The following FBXO8 variants were observed in gnomAD, a reference collection of about 807,000 sequenced individuals.
The protein encoded by FBXO8 is F-box only protein 8.
A neutral mutation model predicts 33.4 loss-of-function variants in FBXO8; 15 were observed. The observed-to-expected ratio is 0.45, with a 90% CI of 0.30 to 0.69. The LOEUF (loss-of-function observed/expected upper bound fraction) is 0.69. FBXO8 is among the 30% of genes least tolerant of loss of function. FBXO8 has a pLI of 0.08. For missense variants in FBXO8, 274 were observed against 380.3 expected (o/e 0.72, Z 2.32); for synonymous variants, 132 against 131.5 (o/e 1.00, Z -0.02).
At chr4:174,269,339 A>G (rs1375064420) in intron 1 of FBXO8, among the ~76,000 whole-genome samples, 6 of 151,890 alleles carry the variant, frequency 4.0e-5, no homozygotes, top group Non-Finnish European at 8.8e-5. Context: ...AAAATGGGGG[A>G]AAAAACCCCA....
Position 174,267,996 on chromosome 4 carries a change from AATAG to A in FBXO8, c.-8-4900_-8-4897del. On this transcript the variant is annotated intron_variant, in intron 1 of 5. Coordinates refer to ENST00000393674, the MANE Select transcript of FBXO8 (RefSeq NM_012180.3). The surrounding 1 kb of genome is among the most constrained non-coding windows in gnomAD (Gnocchi z 4.7). ...TTGTTCACTCAAAATAGGTGGAGAA[AATAG>A]ATATTTATTTCTTTGAAAAAATATT... Among the ~76,000 whole-genome samples, 1 of 152,364 alleles carries A rather than the reference AATAG, an allele frequency of 6.6e-6. No individual in the cohort carries two copies.
At position 174,237,221 on chromosome 4, in the gene FBXO8, T is replaced by A. The variant is rs1215308624; in HGVS notation, c.*191A>T. ...ACGTGATAAACAAAATTAGGAAAAA[T>A]TCTGCAAAATTATTTAGTTCCCCAA... On this transcript the variant is annotated 3_prime_UTR_variant, in exon 6 of 6. Coordinates refer to ENST00000393674, the MANE Select transcript of FBXO8 (RefSeq NM_012180.3). This position sits in a 1 kb window ranked among gnomAD's most constrained non-coding sequence, Gnocchi z 4.4. 6 of 493,168 alleles carry A rather than the reference T, an allele frequency of 1.2e-5. No homozygotes were observed. Among genetic ancestry groups the A allele is most frequent in the Non-Finnish European group, 1.8e-5 (5 of 281,680 alleles). 30.5% of individuals were successfully genotyped at this position (493,168 alleles called of 1,614,324 possible). A position where few individuals can be genotyped will look rare whatever the true frequency, so the allele number is the denominator to read the frequency against.
chr4:174,276,681 A>C (rs1192078364), intron 1 of FBXO8, among the ~76,000 whole-genome samples: 2 of 152,162 alleles, frequency 1.3e-5, no homozygotes, highest in Admixed American at 1.3e-4. Flanking sequence ...GTCCACTTTC[A>C]GTTTTATTAT....
Position 174,249,686 on chromosome 4 carries a change from G to A in FBXO8, c.457-8468C>T, listed in dbSNP as rs1227305481. On this transcript the variant is annotated intron_variant, in intron 3 of 5. Coordinates refer to ENST00000393674, the MANE Select transcript of FBXO8 (RefSeq NM_012180.3). ...ACATGTATATACTTAATCATGTAAC[G>A]TAAGTATCTGTTCATCCTGCCAACA... 3.9e-5 allele frequency among the ~76,000 whole-genome samples: 6 copies of A among 151,920 alleles called. No individual in the cohort carries two copies. The East Asian group carries it at 5.8e-4, about 15-fold the overall frequency.
rs1297120801 is a variant in FBXO8, at chr4:174,283,215, G to A, written c.-9+195C>T. On this transcript the variant is annotated intron_variant, in intron 1 of 5. Coordinates refer to ENST00000393674, the MANE Select transcript of FBXO8 (RefSeq NM_012180.3). This position sits in a 1 kb window ranked among gnomAD's most constrained non-coding sequence, Gnocchi z 6.7. ...AGGAACACACCCAGTTCCGCCTCCT[G>A]ACAGTGATTCCTCACTTTAATGAGC... Among the ~76,000 whole-genome samples, 1 of 152,186 alleles carries A rather than the reference G, an allele frequency of 6.6e-6. No homozygotes were observed. The highest frequency in any genetic ancestry group is 1.5e-5 in the Non-Finnish European group (1 of 68,030).
chr4:174,277,773 T>G lies in FBXO8; in HGVS notation c.-9+5637A>C, dbSNP rs1736990843. On this transcript the variant is annotated intron_variant, in intron 1 of 5. Coordinates refer to ENST00000393674, the MANE Select transcript of FBXO8 (RefSeq NM_012180.3). The surrounding 1 kb of genome is among the most constrained non-coding windows in gnomAD (Gnocchi z 4.9). ...GTAAATGTCCTGTCTCAGATAAAGG[T>G]TTAAAATGTGTGCTACAATAGTTAT... Among the ~76,000 whole-genome samples, 2 of 152,142 alleles carry G rather than the reference T, an allele frequency of 1.3e-5. No homozygotes were observed. Among genetic ancestry groups the G allele is most frequent in the South Asian group, 4.1e-4 (2 of 4,830 alleles).
rs77642433 is a variant in FBXO8 at position 174,277,434 on chromosome 4, G to A, written c.-9+5976C>T. ...AGGTAACTACTGCTTATAATTTCAT[G>A]GCACTAAGCACTCAAATGGCACATG... On this transcript the variant is annotated intron_variant, in intron 1 of 5. Transcript: ENST00000393674. This position sits in a 1 kb window ranked among gnomAD's most constrained non-coding sequence, Gnocchi z 4.9. 3.5e-3 allele frequency among the ~76,000 whole-genome samples: 538 copies of A among 152,188 alleles called. 3 individuals are homozygous for A. Among genetic ancestry groups the A allele is most frequent in the Middle Eastern group, 0.017 (5 of 294 alleles).
intron 3 of FBXO8, among the ~76,000 whole-genome samples, chr4:174,258,774 T>TA (rs1736473758): frequency 6.6e-6 from 1 of 152,074 alleles, no homozygotes; most frequent in African/African-American, 2.4e-5. Context: ...GGTATTTTTG[T>TA]TTAAGACTCA....
chr4:174,249,924 G>A (rs938325406), intron 3 of FBXO8, among the ~76,000 whole-genome samples: 3 of 151,928 alleles, frequency 2.0e-5, no homozygotes, highest in African/African-American at 7.2e-5. Flanking sequence ...ACTTCATGAA[G>A]GACCATTCGT....
At chr4:174,249,028 T>C (rs1736227866) in intron 3 of FBXO8, among the ~76,000 whole-genome samples, 1 of 152,008 alleles carries the variant, frequency 6.6e-6, no homozygotes, top group African/African-American at 2.4e-5. Flanking sequence ...CAAAATAACA[T>C]GAACCTAATT....
At chr4:174,244,641 G>T (rs1430480475) in intron 3 of FBXO8, among the ~76,000 whole-genome samples, 1 of 151,638 alleles carries the variant, frequency 6.6e-6, no homozygotes, top group Non-Finnish European at 1.5e-5. Context: ...TCATGATGGT[G>T]TTAGTACTAT....
intron 3 of FBXO8, among the ~76,000 whole-genome samples, chr4:174,242,227 T>A (rs1736056665): frequency 6.6e-6 from 1 of 151,578 alleles, no homozygotes; most frequent in Non-Finnish European, 1.5e-5. Flanking sequence ...TAAATTCCTT[T>A]GGCATTTCTT....
At chr4:174,246,182 T>C (rs961310006) in intron 3 of FBXO8, among the ~76,000 whole-genome samples, 1 of 151,942 alleles carries the variant, frequency 6.6e-6, no homozygotes, top group Non-Finnish European at 1.5e-5. Context: ...AGTGCAATTA[T>C]GCAGTATGAT....
chr4:174,277,204 C>T lies in FBXO8; in HGVS notation c.-9+6206G>A, dbSNP rs571451064. On this transcript the variant is annotated intron_variant, in intron 1 of 5. Coordinates refer to ENST00000393674, the MANE Select transcript of FBXO8 (RefSeq NM_012180.3). This position sits in a 1 kb window ranked among gnomAD's most constrained non-coding sequence, Gnocchi z 4.9. ...CTTTTTAACTTCTAGAAGATCGTTA[C>T]ATTTCTAAGAGATGGTATTTTTGAC... Among the ~76,000 whole-genome samples the T allele has an allele frequency of 6.6e-6, 1 of 152,188 alleles. No individual in the cohort carries two copies. Among genetic ancestry groups the T allele is most frequent in the African/African-American group, 2.4e-5 (1 of 41,542 alleles).
chr4:174,282,720 G>A (rs1737150435), intron 1 of FBXO8, among the ~76,000 whole-genome samples: 1 of 152,010 alleles, frequency 6.6e-6, no homozygotes, highest in Non-Finnish European at 1.5e-5. Flanking sequence ...ATACACCTAG[G>A]AGCCTTGAAA....
At chr4:174,258,131 A>G in intron 3 of FBXO8, among the ~76,000 whole-genome samples, 1 of 152,218 alleles carries the variant, frequency 6.6e-6, no homozygotes, top group East Asian at 1.9e-4. Flanking sequence ...TAAAGTCTCT[A>G]TAACTGTGCC....
chr4:174,258,040 A>AT (rs1736457323), intron 3 of FBXO8, among the ~76,000 whole-genome samples: 1 of 152,118 alleles, frequency 6.6e-6, no homozygotes, highest in African/African-American at 2.4e-5. Flanking sequence ...AAAAATATAT[A>AT]TTTTATTATA....
chr4:174,260,990 T>C (rs1413233655), intron 2 of FBXO8, among the ~76,000 whole-genome samples: 2 of 151,976 alleles, frequency 1.3e-5, no homozygotes, highest in African/African-American at 2.4e-5. Context: ...TGTCTGAGCA[T>C]ATAACATCAA....
intron 4 of FBXO8, among the ~76,000 whole-genome samples, chr4:174,239,861 A>G (rs1485097086): frequency 6.6e-6 from 1 of 151,814 alleles, no homozygotes; most frequent in South Asian, 2.1e-4. Flanking sequence ...ATTTCAATAT[A>G]GAGTCACACT....
Sources: allele counts gnomAD v4.1 joint callset (sites outside exome capture counted in the v4.1 genomes callset), GRCh38; gene constraint gnomAD v4.1.1; non-coding constraint Gnocchi (gnomAD v3.1); transcripts MANE v1.5; gene names NCBI Gene and HGNC (gene_info 2026-07-23, HGNC 2026-07-21).